Variants in UNC79 observed in about 807,000 individuals in gnomAD.
UNC79 encodes unc-79 subunit of NALCN channel complex, also known as protein unc-79 homolog.
In UNC79, 37 loss-of-function variants were observed where a neutral mutation model predicts 283.1. The ratio of observed to expected loss-of-function variants is 0.13; its 90% CI spans 0.10 to 0.17. The LOEUF is 0.17. Ranked by LOEUF, UNC79 falls within the 10% of genes least tolerant of loss-of-function variation. The probability of loss-of-function intolerance (pLI) is 1.00; values close to 1 mark genes in which losing one functional copy is unlikely to be tolerated. For synonymous variants in UNC79, 1,107 were observed against 1,200.2 expected, an observed-to-expected ratio of 0.92 and a Z score of 1.61; for missense variants, 2,272 against 3,211.1, an observed-to-expected ratio of 0.71 and a Z score of 7.07.
chr14:93,612,086 T>C (rs1260271314), intron 26 of UNC79, among the ~76,000 whole-genome samples: 1 of 152,226 alleles, frequency 6.6e-6, no homozygotes, highest in Non-Finnish European at 1.5e-5. Flanking sequence ...ATTTTTTCTT[T>C]CCATGTGAAC....
chr14:93,659,410 G>A, intron 39 of UNC79, 149 bp downstream of exon 42: 3 of 631,406 alleles, frequency 4.8e-6, no homozygotes, highest in South Asian at 4.7e-5. Flanking sequence ...CTAGGTCAGT[G>A]CCTTGTATAA....
chr14:93,478,489 A>C (rs1440410790), intron 4 of UNC79, among the ~76,000 whole-genome samples: 1 of 152,196 alleles, frequency 6.6e-6, no homozygotes, highest in Non-Finnish European at 1.5e-5. Context: ...GGGAAATCCG[A>C]AAAGATTGTG....
intron 4 of UNC79, among the ~76,000 whole-genome samples, chr14:93,482,029 G>A (rs1181076853): frequency 6.6e-6 from 1 of 152,162 alleles, no homozygotes; most frequent in Admixed American, 6.5e-5. Flanking sequence ...TCCCATGTTT[G>A]TTGTGAAGAC....
intron 30 of UNC79, among the ~76,000 whole-genome samples, chr14:93,624,479 C>T (rs2067395015): frequency 1.3e-5 from 2 of 152,100 alleles, no homozygotes; most frequent in Non-Finnish European, 2.9e-5. Context: ...GCATACGAAG[C>T]TGAGGTCTAC....
intron 1 of UNC79, chr14:93,437,346 T>A (rs2056122366): frequency 6.6e-6 from 1 of 152,190 alleles, no homozygotes; most frequent in Admixed American, 6.5e-5. Flanking sequence ...ATACTTTGGT[T>A]TTATTTCTTC....
chr14:93,636,509 T>G (rs2068520421), intron 31 of UNC79, among the ~76,000 whole-genome samples: 1 of 152,200 alleles, frequency 6.6e-6, no homozygotes, highest in South Asian at 2.1e-4. Context: ...TTTGCTGGTC[T>G]CCACCAGAAC....
At position 93,618,371 on chromosome 14, in the gene UNC79, T is replaced by C; in HGVS notation, c.4387+17T>C. The C allele has an allele frequency of 6.3e-7, 1 of 1,595,280 alleles. No homozygotes were observed. Among genetic ancestry groups the C allele is most frequent in the Admixed American group, 1.7e-5 (1 of 58,268 alleles). On this transcript the variant is annotated intron_variant, in intron 29 of 48. Coordinates refer to ENST00000555664, the Ensembl canonical transcript of UNC79. ...AAGAAAAAGGTACATATCTAAATTC[T>C]ATCCCAAACCTAGCTTCAATACATA...
At chr14:93,580,978 G>T (rs534472665) in intron 19 of UNC79, among the ~76,000 whole-genome samples, 5 of 151,962 alleles carry the variant, frequency 3.3e-5, no homozygotes. Flanking sequence ...CAAAGTGCTG[G>T]GATTACAGGC....
rs2054582842 is a variant in UNC79 at position 93,377,357 on chromosome 14, G to A, written c.-351+43834G>A. Among the ~76,000 whole-genome samples the A allele has an allele frequency of 2.6e-5, 4 of 152,078 alleles. No individual in the cohort carries two copies. In the South Asian group the frequency reaches 8.3e-4, roughly 32 times the overall value. The stretch of plus-strand genomic sequence containing the variant: ...GATCCACCCGCCTCGGCCTCCCAAA[G>A]TGCTGGGATTACAGGTGTGAGCCAC... On this transcript the variant is annotated intron_variant, in intron 1 of 49. Transcript: ENST00000256339.
chr14:93,421,465 A>G (rs2055597935), intron 1 of UNC79, among the ~76,000 whole-genome samples: 1 of 151,732 alleles, frequency 6.6e-6, no homozygotes, highest in African/African-American at 2.4e-5. Context: ...GCCATAATAA[A>G]GTCTCCAGGC....
chr14:93,668,232 T>C (rs183201511), intron 40 of UNC79, among the ~76,000 whole-genome samples: 1 of 152,280 alleles, frequency 6.6e-6, no homozygotes, highest in East Asian at 1.9e-4. Context: ...TCATAGGTGA[T>C]ACGATTACAA....
chr14:93,489,695 C>G (rs894117187), intron 5 of UNC79, among the ~76,000 whole-genome samples: 1 of 152,258 alleles, frequency 6.6e-6, no homozygotes, highest in African/African-American at 2.4e-5. Flanking sequence ...AGAGTTCTGT[C>G]TTTTGGACCC....
At chr14:93,633,373 G>T (rs1361050645) in intron 31 of UNC79, among the ~76,000 whole-genome samples, 1 of 152,174 alleles carries the variant, frequency 6.6e-6, no homozygotes, top group African/African-American at 2.4e-5. Flanking sequence ...CAGCATGCTA[G>T]TTACATTAAA....
intron 1 of UNC79, among the ~76,000 whole-genome samples, chr14:93,364,357 T>C (rs2054287246): frequency 6.6e-6 from 1 of 152,120 alleles, no homozygotes; most frequent in East Asian, 1.9e-4. Flanking sequence ...GAGTGTACTA[T>C]TACCTCTGAC....
At chr14:93,473,044 G>T (rs961057145) in intron 2 of UNC79, among the ~76,000 whole-genome samples, 2 of 151,846 alleles carry the variant, frequency 1.3e-5, no homozygotes, top group African/African-American at 4.8e-5. Context: ...TACCAAAAAG[G>T]TTTTTATTTT....
intron 40 of UNC79, among the ~76,000 whole-genome samples, chr14:93,663,342 G>T (rs2071804493): frequency 6.6e-6 from 1 of 152,188 alleles, no homozygotes; most frequent in Admixed American, 6.5e-5. Flanking sequence ...GGTAGATGCT[G>T]TCCTAATGGA....
At chr14:93,523,858 G>T (rs1318871308) in intron 7 of UNC79, 120 bp from the exon 8 acceptor site, 1 of 1,016,412 alleles carries the variant, frequency 9.8e-7, no homozygotes, top group Non-Finnish European at 1.4e-6. Context: ...AGATGATTCT[G>T]TTAGAAAGCT....
intron 47 of UNC79, among the ~76,000 whole-genome samples, chr14:93,703,356 G>GAGAGAGAA (rs2075667279): frequency 6.6e-6 from 1 of 152,208 alleles, no homozygotes. Flanking sequence ...TAAGGGATTG[G>GAGAGAGAA]AGAGAGAATT....
At chr14:93,652,990 GC>G (rs1245409221) in intron 35 of UNC79, among the ~76,000 whole-genome samples, 4 of 152,164 alleles carry the variant, frequency 2.6e-5, no homozygotes, top group South Asian at 2.1e-4. Flanking sequence ...CTTTGAACCA[GC>G]ATTTCAGGGT....
Sources: allele counts gnomAD v4.1 joint callset (sites outside exome capture counted in the v4.1 genomes callset), GRCh38; gene constraint gnomAD v4.1.1; transcripts MANE v1.5; gene names NCBI Gene and HGNC (gene_info 2026-07-23, HGNC 2026-07-21).